The following DUSP22 variants were observed in gnomAD, a reference collection of about 807,000 sequenced individuals.
DUSP22 encodes dual specificity phosphatase 22.
In DUSP22, 24 loss-of-function variants were observed where a neutral mutation model predicts 24.5. That is an observed-to-expected ratio of 0.98 (90% CI 0.71 to 1.38). DUSP22 has a LOEUF of 1.38. DUSP22 is among the 40% of genes most tolerant of loss of function. The pLI, the probability that DUSP22 is intolerant of heterozygous loss-of-function variation, is 0.00. For synonymous variants in DUSP22, 160 were observed against 106.4 expected, an observed-to-expected ratio of 1.50 and a Z score of -3.10; for missense variants, 330 against 269.2, an observed-to-expected ratio of 1.23 and a Z score of -1.58.
intron 1 of DUSP22, among the ~76,000 whole-genome samples, chr6:299,041 C>A (rs572677816): frequency 6.6e-6 from 1 of 152,306 alleles, no homozygotes; most frequent in Non-Finnish European, 1.5e-5. Context: ...AACAGTGTCC[C>A]CAGCAAAGGG....
intron 1 of DUSP22, among the ~76,000 whole-genome samples, chr6:292,931 A>G (rs2127385566): frequency 6.6e-6 from 1 of 152,308 alleles, no homozygotes; most frequent in South Asian, 2.1e-4. Flanking sequence ...ACGCTCTTGA[A>G]GCCACCACCG....
intron 3 of DUSP22, among the ~76,000 whole-genome samples, chr6:321,817 C>T (rs568732612): frequency 3.9e-5 from 6 of 152,420 alleles, no homozygotes; most frequent in African/African-American, 1.4e-4. Flanking sequence ...AGTCATTTCT[C>T]AGACTGGGGA....
chr6:331,882 G>T (rs1759155193), intron 3 of DUSP22, among the ~76,000 whole-genome samples: 2 of 152,302 alleles, frequency 1.3e-5, no homozygotes, highest in Non-Finnish European at 2.9e-5. Flanking sequence ...TTCTTATTGT[G>T]GATCACGCCG....
intron 3 of DUSP22, among the ~76,000 whole-genome samples, chr6:331,959 G>T (rs1298837034): frequency 1.3e-4 from 20 of 152,304 alleles, no homozygotes; most frequent in African/African-American, 4.8e-4. Context: ...AGCATGTGTG[G>T]GTGGCTTGCT....
In DUSP22 at chr6:348,284, T is replaced by C. The variant is rs772552926; in HGVS notation, c.435+10T>C. ...GCATGAGGTCCATCAGGTAAGCAGT[T>C]CTTAGGGGACATCAGAGATGCAGGC... On this transcript the variant is annotated intron_variant, in intron 6 of 6. Transcript: ENST00000419235. 3.1e-6 allele frequency: 5 copies of C among 1,614,018 alleles called. No homozygotes were observed. The highest frequency in any genetic ancestry group is 2.2e-5 in the South Asian group (2 of 91,092).
At chr6:292,592 C>T (rs1400130609) in intron 1 of DUSP22, 32 bp downstream of exon 1, 3 of 1,587,152 alleles carry the variant, frequency 1.9e-6, no homozygotes, top group African/African-American at 1.4e-5. Flanking sequence ...GCTGGGTTTG[C>T]CTCCGCTCCG....
At chr6:294,654 C>T (rs1757245189) in intron 1 of DUSP22, among the ~76,000 whole-genome samples, 1 of 152,288 alleles carries the variant, frequency 6.6e-6, no homozygotes. Context: ...GATCACTTAA[C>T]CTTCAAAGTC....
At chr6:299,836 C>T (rs3800242) in intron 1 of DUSP22, among the ~76,000 whole-genome samples, 7,097 of 149,834 alleles carry the variant, frequency 0.047, 9 homozygotes, top group East Asian at 0.14. Context: ...TGTGGAAGTC[C>T]ACTCAGGGCA....
At chr6:311,549 G>C (rs538282969) in intron 2 of DUSP22, among the ~76,000 whole-genome samples, 1 of 152,300 alleles carries the variant, frequency 6.6e-6, no homozygotes, top group Admixed American at 6.5e-5. Flanking sequence ...GCGTGGTGGC[G>C]GGCGCCTGTA....
intron 6 of DUSP22, 132 bp downstream of exon 6, chr6:348,406 GC>G: frequency 7.0e-7 from 1 of 1,423,648 alleles, no homozygotes; most frequent in Non-Finnish European, 9.5e-7. Context: ...CTCCCAGGGC[GC>G]CCAGCTGCAC....
chr6:345,443 C>G (rs564874914), intron 4 of DUSP22, among the ~76,000 whole-genome samples: 1 of 152,426 alleles, frequency 6.6e-6, no homozygotes, highest in South Asian at 2.1e-4. Context: ...CTCCTGACCT[C>G]AAGTGATCCG....
intron 3 of DUSP22, among the ~76,000 whole-genome samples, chr6:312,327 T>C (rs916878270): frequency 6.6e-6 from 1 of 152,302 alleles, no homozygotes. Context: ...GCTCATTTCC[T>C]GATTTTGTCC....
At chr6:344,323 T>C (rs1759755626) in intron 4 of DUSP22, among the ~76,000 whole-genome samples, 1 of 152,300 alleles carries the variant, frequency 6.6e-6, no homozygotes, top group Non-Finnish European at 1.5e-5. Flanking sequence ...TCTCGCTGTG[T>C]CGCTCAGGCT....
At chr6:313,533 T>G (rs1195664606) in intron 3 of DUSP22, among the ~76,000 whole-genome samples, 2 of 152,306 alleles carry the variant, frequency 1.3e-5, no homozygotes, top group African/African-American at 4.8e-5. Context: ...CACATTCTTT[T>G]TATTCCCTGT....
At position 348,382 on chromosome 6, in the gene DUSP22, A is replaced by G. The variant is rs1451832869; in HGVS notation, c.435+108A>G. 3.9e-6 allele frequency: 6 copies of G among 1,534,482 alleles called. No homozygotes were observed. The South Asian group carries it at 7.4e-5, about 19-fold the overall frequency. The stretch of plus-strand genomic sequence containing the variant: ...CATGGCGTTTGGAGTTGAAAGGCCC[A>G]CAGAGGACATCGGCTCCCAGGGCGC... On this transcript the variant is annotated intron_variant, in intron 6 of 6. Coordinates refer to ENST00000419235, the MANE Select transcript of DUSP22 (RefSeq NM_001286555.3).
chr6:314,691 A>G (rs1449581310), intron 3 of DUSP22, among the ~76,000 whole-genome samples: 1 of 152,302 alleles, frequency 6.6e-6, no homozygotes, highest in East Asian at 1.9e-4. Context: ...TTGTGCAGAC[A>G]TGTATCAGCC....
rs2089809 is a variant in DUSP22 at position 348,723 on chromosome 6, C to T, written c.436-46C>T. 2,221 of 1,610,752 alleles carry T rather than the reference C, an allele frequency of 1.4e-3. No individual in the cohort carries two copies. In the African/African-American group the frequency reaches 0.024, roughly 17 times the overall value. ...AGGTGCAAGCCCACGTGGATGCAGACGTGCACATGTGTGTGACGTTTCGGG... is the reference window on the plus strand; with the variant it reads ...AGGTGCAAGCCCACGTGGATGCAGATGTGCACATGTGTGTGACGTTTCGGG... On this transcript the variant is annotated intron_variant, in intron 6 of 6. Transcript: ENST00000419235.
intron 5 of DUSP22, 117 bp from the exon 6 acceptor site, chr6:347,986 C>G (rs1357089448): frequency 6.8e-7 from 1 of 1,472,862 alleles, no homozygotes; most frequent in African/African-American, 1.4e-5. Flanking sequence ...CACATATAAT[C>G]CAAGGCAGGA....
chr6:339,121 T>C (rs537208478), intron 4 of DUSP22, among the ~76,000 whole-genome samples: 1 of 152,424 alleles, frequency 6.6e-6, no homozygotes, highest in African/African-American at 2.4e-5. Context: ...TGGTGTGTTT[T>C]GCATGATTTT....
Sources: allele counts gnomAD v4.1 joint callset (sites outside exome capture counted in the v4.1 genomes callset), GRCh38; gene constraint gnomAD v4.1.1; transcripts MANE v1.5; gene names NCBI Gene and HGNC (gene_info 2026-07-23, HGNC 2026-07-21).